The following CEP192 variants were observed in gnomAD, a reference collection of about 807,000 sequenced individuals.
The protein encoded by CEP192 is centrosomal protein of 192 kDa.
In CEP192, 151 loss-of-function variants were observed where a neutral mutation model predicts 271.8. The ratio of observed to expected loss-of-function variants is 0.56; its 90% CI spans 0.49 to 0.64. The LOEUF is 0.64. CEP192 is among the 30% of genes least tolerant of loss of function. The pLI, the probability that CEP192 is intolerant of heterozygous loss-of-function variation, is 0.00. For missense variants in CEP192, 2,910 were observed against 3,020.5 expected, an observed-to-expected ratio of 0.96 and a Z score of 0.86; for synonymous variants, 995 against 1,076.5, an observed-to-expected ratio of 0.92 and a Z score of 1.48.
chr18:13,103,490 A>G lies in CEP192; in HGVS notation c.6872-19A>G, dbSNP rs745591795. On this transcript the variant is annotated intron_variant, in intron 38 of 44. Transcript: ENST00000506447. ...CCAGTCTCTCCGAGTTTGAGTTATG[A>G]TATATGTGTTCCTTTTAGAGAGCTG... 34 of 1,598,270 alleles carry G rather than the reference A, an allele frequency of 2.1e-5. No individual in the cohort carries two copies. In the Middle Eastern group the frequency reaches 1.3e-3, roughly 62 times the overall value.
intron 11 of CEP192, 115 bp downstream of exon 11, chr18:13,030,723 C>A: frequency 2.6e-6 from 2 of 768,136 alleles, no homozygotes; most frequent in South Asian, 2.2e-5. Flanking sequence ...TCACTGTATT[C>A]TGGAAGCACT....
chr18:13,004,726 TG>T (rs1408281476), intron 3 of CEP192, among the ~76,000 whole-genome samples: 4 of 152,140 alleles, frequency 2.6e-5, no homozygotes, highest in Non-Finnish European at 5.9e-5. Context: ...TTAGGATTCC[TG>T]GACAACATCA....
chr18:13,070,724 G>A (rs116050839), intron 27 of CEP192, among the ~76,000 whole-genome samples: 2,200 of 152,354 alleles, frequency 0.014, 56 homozygotes, highest in African/African-American at 0.047. Flanking sequence ...CTGCACCAGT[G>A]TGAATGCCTC....
chr18:13,101,761 C>T (rs531092170), intron 38 of CEP192, among the ~76,000 whole-genome samples: 3 of 152,280 alleles, frequency 2.0e-5, no homozygotes, highest in South Asian at 4.1e-4. Context: ...CCCATCTCTT[C>T]AGCTCACCCA....
chr18:13,122,336 C>T (rs1228719185), intron 44 of CEP192, among the ~76,000 whole-genome samples: 1 of 152,162 alleles, frequency 6.6e-6, no homozygotes, highest in Non-Finnish European at 1.5e-5. Context: ...GCAGAAGAAT[C>T]GCTTGAACTT....
intron 40 of CEP192, among the ~76,000 whole-genome samples, chr18:13,108,713 A>C (rs1284078964): frequency 6.6e-6 from 1 of 152,120 alleles, no homozygotes; most frequent in Non-Finnish European, 1.5e-5. Flanking sequence ...CATGGTGACA[A>C]AAAATACAGA....
intron 42 of CEP192, 49 bp from the exon 43 acceptor site, chr18:13,116,328 G>T (rs754684837): frequency 3.2e-6 from 5 of 1,575,662 alleles, no homozygotes; most frequent in Non-Finnish European, 4.3e-6. Flanking sequence ...AACAGTTTAA[G>T]TTACTGTGGA....
chr18:13,009,034 T>G (rs2034171041), intron 4 of CEP192, among the ~76,000 whole-genome samples: 1 of 138,780 alleles, frequency 7.2e-6, no homozygotes, highest in Non-Finnish European at 1.5e-5. Flanking sequence ...TTTTTTTTGC[T>G]TAATTTTGAG....
At chr18:13,091,645 T>C (rs868310613) in intron 33 of CEP192, among the ~76,000 whole-genome samples, 5 of 152,256 alleles carry the variant, frequency 3.3e-5, no homozygotes, top group Admixed American at 3.3e-4. Flanking sequence ...AAGTTATAAA[T>C]TTAAATTTAT....
chr18:13,027,544 T>C (rs1294279863), intron 9 of CEP192, among the ~76,000 whole-genome samples: 2 of 152,178 alleles, frequency 1.3e-5, no homozygotes, highest in African/African-American at 4.8e-5. Flanking sequence ...GTTAGGATGC[T>C]CTGTATTTGC....
In CEP192 at chr18:13,008,572, C is replaced by T. The variant is rs1310958750; in HGVS notation, c.407C>T (p.Thr136Ile). 2.6e-6 allele frequency: 4 copies of T among 1,551,560 alleles called. No individual in the cohort carries two copies. Among genetic ancestry groups the T allele is most frequent in the Admixed American group, 2.0e-5 (1 of 50,982 alleles). ...CCAGAAGAGGAGCCAGCCGGAGCTA[C>T]AGAATCCTTGCAGGGCCAAGATCTC... ...AGPEEEPAGA[T>I]ESLQGQDLFN... The change falls in exon 4 of 45, where the codon ACA becomes ATA. Residue 136 changes from threonine to isoleucine, a missense_variant. Transcript: ENST00000506447.
At chr18:13,071,276 A>G (rs568866333) in intron 28 of CEP192, 64 bp downstream of exon 28, 452 of 1,420,400 alleles carry the variant, frequency 3.2e-4, no homozygotes, top group South Asian at 5.1e-5. Flanking sequence ...ACTACAAATT[A>G]ATGTTTGCAG....
intron 35 of CEP192, 46 bp downstream of exon 35, chr18:13,095,727 G>A (rs370821194): frequency 1.5e-4 from 224 of 1,533,598 alleles, no homozygotes; most frequent in East Asian, 4.3e-4. Context: ...TCCGGCGTCC[G>A]GGCCTGCACT....
At chr18:13,098,822 G>A (rs571224026) in intron 36 of CEP192, among the ~76,000 whole-genome samples, 1 of 152,326 alleles carries the variant, frequency 6.6e-6, no homozygotes, top group Admixed American at 6.5e-5. Context: ...GAGAGGCCAA[G>A]GCAGGCGGCT....
At chr18:13,037,331 T>G (rs766842702) in intron 12 of CEP192, 30 bp downstream of exon 12, 2 of 1,031,852 alleles carry the variant, frequency 1.9e-6, no homozygotes, top group Non-Finnish European at 2.9e-6. Flanking sequence ...ATCCAAAATT[T>G]AAAATTTTTC....
In CEP192 at chr18:13,038,392, A is replaced by T. The variant is rs768091723; in HGVS notation, c.1622A>T (p.Asn541Ile). The stretch of plus-strand genomic sequence containing the variant: ...TAGGAAGAAAACATAGATGCTCATA[A>T]TACTTCGGTTGCACTGGGCGATACG... ...FIQEENIDAHNTSVALGDTSW... is the reference protein window; with the variant it reads ...FIQEENIDAHITSVALGDTSW... Residue 541 changes from asparagine (N) to isoleucine (I), a missense_variant, in exon 13 of 45, where the codon AAT (asparagine) becomes ATT (isoleucine). Coordinates refer to ENST00000506447, the MANE Select transcript of CEP192 (RefSeq NM_032142.4). 25 of 1,551,598 alleles carry T rather than the reference A, an allele frequency of 1.6e-5. No individual in the cohort carries two copies. The Admixed American group carries it at 3.5e-4, about 22-fold the overall frequency.
intron 21 of CEP192, among the ~76,000 whole-genome samples, chr18:13,066,391 C>CT (rs1568364113): frequency 6.6e-6 from 1 of 152,140 alleles, no homozygotes; most frequent in South Asian, 2.1e-4. Flanking sequence ...CTACTAGTTA[C>CT]TTTTGCTGAG....
Position 13,049,307 on chromosome 18 carries a change from A to G in CEP192, c.2516A>G (p.Glu839Gly), listed in dbSNP as rs908959423. ...AGTGTAAGTGTGAGGGCACCAGAAGAAAACACAGCAGCTATTGTTTATGTT... is the reference window on the plus strand; with the variant it reads ...AGTGTAAGTGTGAGGGCACCAGAAGGAAACACAGCAGCTATTGTTTATGTT... ...ATSVSVRAPE[E>G]NTAAIVYVEN... Residue 839 changes from glutamate to glycine, a missense_variant, in exon 16 of 45, where the codon GAA becomes GGA. Coordinates refer to ENST00000506447, the MANE Select transcript of CEP192 (RefSeq NM_032142.4). 2 of 1,614,154 alleles carry G rather than the reference A, an allele frequency of 1.2e-6. No individual in the cohort carries two copies. The highest frequency in any genetic ancestry group is 1.7e-6 in the Non-Finnish European group (2 of 1,180,010).
chr18:13,095,789 G>T, intron 35 of CEP192, 108 bp downstream of exon 35: 1 of 944,852 alleles, frequency 1.1e-6, no homozygotes. Context: ...TGCACATTGA[G>T]CTGTGACTTG....
Sources: gnomAD v4.1 joint callset for allele counts (sites outside exome capture counted in the v4.1 genomes callset) on GRCh38, gnomAD v4.1.1 for gene constraint, MANE v1.5 for transcripts, NCBI Gene and HGNC (gene_info 2026-07-23, HGNC 2026-07-21) for gene names.